BCAN: variants seen among roughly 807,000 people sequenced by gnomAD.
BCAN encodes brevican core protein.
In BCAN, 51 loss-of-function variants were observed where a neutral mutation model predicts 92.4. The observed-to-expected ratio is 0.55, with a 90% CI of 0.44 to 0.70. The LOEUF is 0.70. Among genes scored for constraint, BCAN ranks in the 30% least tolerant of loss-of-function variants. BCAN has a pLI of 0.00. For missense variants in BCAN, 1,140 were observed against 1,212.1 expected, an observed-to-expected ratio of 0.94 and a Z score of 0.88; for synonymous variants, 501 against 505.2, an observed-to-expected ratio of 0.99 and a Z score of 0.11.
At position 156,647,237 on chromosome 1, in the gene BCAN, T is replaced by G; in HGVS notation, c.466+62T>G. 2.7e-6 allele frequency: 4 copies of G among 1,462,514 alleles called. No individual in the cohort carries two copies. Among genetic ancestry groups the G allele is most frequent in the Non-Finnish European group, 3.6e-6 (4 of 1,101,448 alleles). The allele number at this position is 1,462,514 out of a possible 1,614,324, so 90.6% of individuals were successfully genotyped here. A position where few individuals can be genotyped will look rare whatever the true frequency, so the allele number is the denominator to read the frequency against. ...GGGAGGGAAGGGAGGACTCTTGCCT[T>G]CGGGGATCCCACAGTGTGAGAGGGA... On this transcript the variant is annotated intron_variant, in intron 3 of 13. Coordinates refer to ENST00000329117, the MANE Select transcript of BCAN (RefSeq NM_021948.5). This position sits in a 1 kb window ranked among gnomAD's most constrained non-coding sequence, Gnocchi z 4.8.
At chr1:156,648,152 C>T (rs1679048680) in intron 5 of BCAN, 42 bp downstream of exon 5, 1 of 1,600,380 alleles carries the variant, frequency 6.2e-7, no homozygotes, top group Non-Finnish European at 8.6e-7. Flanking sequence ...ATTTCCTACT[C>T]CCATGCTGCC....
intron 1 of BCAN, chr1:156,644,558 AG>A (rs1405280819): frequency 6.6e-6 from 1 of 152,232 alleles, no homozygotes; most frequent in Non-Finnish European, 1.5e-5. Context: ...TCCCTCTGAA[AG>A]GTCAGAGAGA....
In BCAN at chr1:156,647,241, G is replaced by GGATCCCACAGTGT; in HGVS notation, c.466+69_466+81dup. ...GGGAAGGGAGGACTCTTGCCTTCGGGGATCCCACAGTGTGAGAGGGAAGCA... is the reference window on the plus strand; with the variant it reads ...GGGAAGGGAGGACTCTTGCCTTCGGGGATCCCACAGTGTGATCCCACAGTGTGAGAGGGAAGCA... On this transcript the variant is annotated intron_variant, in intron 3 of 13. Coordinates refer to ENST00000329117, the MANE Select transcript of BCAN (RefSeq NM_021948.5). The surrounding 1 kb of genome is among the most constrained non-coding windows in gnomAD (Gnocchi z 4.8). 3 of 1,459,834 alleles carry GGATCCCACAGTGT rather than the reference G, an allele frequency of 2.1e-6. No homozygotes were observed. The highest frequency in any genetic ancestry group is 2.7e-6 in the Non-Finnish European group (3 of 1,099,990). 90.4% of individuals were successfully genotyped at this position (1,459,834 alleles called of 1,614,324 possible).
At position 156,648,088 on chromosome 1, in the gene BCAN, C is replaced by T; in HGVS notation, c.747C>T (p.Tyr249=). The part of the protein sequence containing the change: ...VVDPDDLYDV[Y]CYAEDLNGEL... Reference sequence around the variant, plus strand: ...ACCCGGATGACCTCTATGATGTGTACTGTTATGCTGAAGACCTAAATGGTG... The same window carrying T: ...ACCCGGATGACCTCTATGATGTGTATTGTTATGCTGAAGACCTAAATGGTG... Residue 249 remains tyrosine (Y), a synonymous_variant, in exon 5 of 14, where the codon TAC becomes TAT. Transcript: ENST00000329117. 6.2e-7 allele frequency: 1 copy of T among 1,613,662 alleles called. No homozygotes were observed. The highest frequency in any genetic ancestry group is 8.5e-7 in the Non-Finnish European group (1 of 1,179,662).
At position 156,651,672 on chromosome 1, in the gene BCAN, C is replaced by T; in HGVS notation, c.1280C>T (p.Ala427Val). The T allele has an allele frequency of 6.2e-7, 1 of 1,611,684 alleles. No individual in the cohort carries two copies. The highest frequency in any genetic ancestry group is 8.5e-7 in the Non-Finnish European group (1 of 1,179,226). ...TCCACTCCAGAAGACCCAGCAGAGGCCCCTAGGACGCTCCTAGGTAAGTCG... is the reference window on the plus strand; with the variant it reads ...TCCACTCCAGAAGACCCAGCAGAGGTCCCTAGGACGCTCCTAGGTAAGTCG... ...GSSTPEDPAEAPRTLLEFETQ... is the reference protein window; with the variant it reads ...GSSTPEDPAEVPRTLLEFETQ... Residue 427 changes from alanine (A) to valine (V), a missense_variant, in exon 7 of 14, where the codon GCC becomes GTC. Ala to Val is a moderately conservative substitution (Grantham distance 64). Around this residue, in one of 3 missense-constraint regions of BCAN, gnomAD observed 825 missense variants for 871.8 expected, o/e 0.95. Transcript: ENST00000329117.
At chr1:156,650,479 G>T (rs1457391348) in intron 6 of BCAN, among the ~76,000 whole-genome samples, 1 of 152,162 alleles carries the variant, frequency 6.6e-6, no homozygotes, top group Non-Finnish European at 1.5e-5. Flanking sequence ...CTTCCCCAGA[G>T]GACAAGTAAA....
chr1:156,658,911 G>T lies in BCAN; in HGVS notation c.2629-116G>T. 7.6e-7 allele frequency: 1 copy of T among 1,315,082 alleles called. No individual in the cohort carries two copies. The highest frequency in any genetic ancestry group is 2.5e-5 in the East Asian group (1 of 40,250). 81.5% of individuals were successfully genotyped at this position (1,315,082 alleles called of 1,614,324 possible). On this transcript the variant is annotated intron_variant, in intron 13 of 13. Transcript: ENST00000329117. This position sits in a 1 kb window ranked among gnomAD's most constrained non-coding sequence, Gnocchi z 4.4. ...TGGGGTTCCTTCAGTGCTGATGTCTGATAACATGCAGCCCCATTCTGGGCT... is the reference window on the plus strand; with the variant it reads ...TGGGGTTCCTTCAGTGCTGATGTCTTATAACATGCAGCCCCATTCTGGGCT...
intron 7 of BCAN, among the ~76,000 whole-genome samples, chr1:156,652,024 C>A (rs188259488): frequency 6.6e-6 from 1 of 152,276 alleles, no homozygotes; most frequent in Admixed American, 6.5e-5. Flanking sequence ...CCATGTTCTC[C>A]GGGGCTAATG....
At chr1:156,651,338 A>G in intron 6 of BCAN, 118 bp from the exon 7 acceptor site, 1 of 947,652 alleles carries the variant, frequency 1.1e-6, no homozygotes, top group Non-Finnish European at 1.6e-6. Flanking sequence ...CCTGGGCCCC[A>G]GTAGGTGCTC....
chr1:156,646,134 G>C lies in BCAN; in HGVS notation c.80G>C (p.Gly27Ala). ...GCAGCTTTAGCAGATGTTCTGGAAG[G>C]AGACAGCTCAGGTAAGCAACCCCAC... Reference protein sequence around the residue: ...APAALADVLEGDSSEDRAFRV... With the variant: ...APAALADVLEADSSEDRAFRV... Residue 27 changes from glycine to alanine, a missense_variant, in exon 2 of 14, where the codon GGA becomes GCA. Physicochemically the swap from Gly to Ala is moderately conservative, Grantham distance 60. This residue lies in a region of BCAN where 286 missense variants were observed against 284.1 expected (regional missense o/e 1.01). Transcript: ENST00000329117. 6.2e-7 allele frequency: 1 copy of C among 1,613,678 alleles called. No homozygotes were observed. Among genetic ancestry groups the C allele is most frequent in the Non-Finnish European group, 8.5e-7 (1 of 1,179,638 alleles).
chr1:156,656,080 G>A (rs1395263953), intron 8 of BCAN, among the ~76,000 whole-genome samples: 2 of 152,176 alleles, frequency 1.3e-5, no homozygotes, highest in Non-Finnish European at 2.9e-5. Flanking sequence ...CTGAAGTCGG[G>A]AGCGGGAAGA....
Position 156,656,263 on chromosome 1 carries a change from A to G in BCAN, c.1943-19A>G. 1 of 1,464,334 alleles carries G rather than the reference A, an allele frequency of 6.8e-7. No individual in the cohort carries two copies. The highest frequency in any genetic ancestry group is 9.0e-7 in the Non-Finnish European group (1 of 1,116,424). 90.7% of individuals were successfully genotyped at this position (1,464,334 alleles called of 1,614,324 possible). ...GCGGCTGCCTCGCTCCCCCCGCCTC[A>G]CTTCTTTCCCCCTCTCAGGTGACTG... On this transcript the variant is annotated intron_variant, in intron 8 of 13. Transcript: ENST00000329117.
rs149216844 is a variant in BCAN at position 156,656,206 on chromosome 1, C to T, written c.1943-76C>T. ...GAGACCAGGGCTGGGGGACCCTCTG[C>T]ACCCTCTCCTGGAGGGCTCAGGCTG... is the stretch of plus-strand genomic sequence containing the variant. On this transcript the variant is annotated intron_variant, in intron 8 of 13. Transcript: ENST00000329117. 2.8e-6 allele frequency: 3 copies of T among 1,053,904 alleles called. No homozygotes were observed. In the South Asian group the frequency reaches 7.2e-5, roughly 25 times the overall value. The allele number at this position is 1,053,904 out of a possible 1,614,324, so 65.3% of individuals were successfully genotyped here. A position where few individuals can be genotyped will look rare whatever the true frequency, so the allele number is the denominator to read the frequency against.
At position 156,647,583 on chromosome 1, in the gene BCAN, G is replaced by T. The variant is rs759486942; in HGVS notation, c.542G>T (p.Arg181Leu). 77 of 1,612,656 alleles carry T rather than the reference G, an allele frequency of 4.8e-5. No individual in the cohort carries two copies. Among genetic ancestry groups the T allele is most frequent in the South Asian group, 1.1e-4 (10 of 90,986 alleles). ...SFSGAQEACARIGAHIATPEQ... is the reference protein window; with the variant it reads ...SFSGAQEACALIGAHIATPEQ... ...TCTGGGGCCCAGGAGGCCTGTGCCC[G>T]CATTGGAGCCCACATCGCCACCCCG... Residue 181 changes from arginine to leucine, a missense_variant, in exon 4 of 14, where the codon CGC becomes CTC. Arg to Leu is a moderately radical substitution (Grantham distance 102). Coordinates refer to ENST00000329117, the MANE Select transcript of BCAN (RefSeq NM_021948.5). This position sits in a 1 kb window ranked among gnomAD's most constrained non-coding sequence, Gnocchi z 4.8.
chr1:156,658,733 T>A lies in BCAN; in HGVS notation c.2628T>A (p.Pro876=). Residue 876 remains proline (P), a splice_region_variant and synonymous_variant, in exon 13 of 14, where the codon CCT becomes CCA. Transcript: ENST00000329117. This position sits in a 1 kb window ranked among gnomAD's most constrained non-coding sequence, Gnocchi z 4.4. ...AGATCTCCTGTGTGCCCAGAAGACC[T>A]GTGAGTGCCAGGAAGAGGCAGGTGG... ...APQISCVPRR[P]ARALHPEEDP... The A allele has an allele frequency of 2.5e-6, 4 of 1,613,870 alleles. No individual in the cohort carries two copies. Among genetic ancestry groups the A allele is most frequent in the Non-Finnish European group, 3.4e-6 (4 of 1,179,992 alleles).
rs138396418 is a variant in BCAN at position 156,648,826 on chromosome 1, A to G, written c.1028A>G (p.Asn343Ser). The G allele has an allele frequency of 6.6e-5, 105 of 1,584,866 alleles. No individual in the cohort carries two copies. The highest frequency in any genetic ancestry group is 1.7e-4 in the Middle Eastern group (1 of 5,996). The change falls in exon 6 of 14, where the codon AAT becomes AGT. Residue 343 changes from asparagine (N) to serine (S), a missense_variant. By Grantham distance (46) the Asn-to-Ser change is conservative. Around this residue, in one of 3 missense-constraint regions of BCAN, gnomAD observed 825 missense variants for 871.8 expected, o/e 0.95. Coordinates refer to ENST00000329117, the MANE Select transcript of BCAN (RefSeq NM_021948.5). ...TTCCCCAACCAGACTGGCTTCCCCA[A>G]TAAGCACAGCCGCTTCAACGTCTAC... ...FLFPNQTGFPNKHSRFNVYCF... is the reference protein window; with the variant it reads ...FLFPNQTGFPSKHSRFNVYCF...
chr1:156,653,148 T>G (rs1211517008), intron 8 of BCAN: 2 of 1,399,838 alleles, frequency 1.4e-6, no homozygotes, highest in African/African-American at 2.9e-5. Context: ...TCCCTGCCAT[T>G]GGGCCCTCCA....
Position 156,648,023 on chromosome 1 carries a change from A to G in BCAN, c.682A>G (p.Met228Val). The G allele has an allele frequency of 6.2e-7, 1 of 1,614,074 alleles. No homozygotes were observed. Among genetic ancestry groups the G allele is most frequent in the Non-Finnish European group, 8.5e-7 (1 of 1,179,968 alleles). Residue 228 changes from methionine (M) to valine (V), a missense_variant, in exon 5 of 14, where the codon ATG becomes GTG. Physicochemically the swap from Met to Val is conservative, Grantham distance 21. Transcript: ENST00000329117. ...CCCACGAGAGGCCTGTTACGGAGACATGGATGGCTTCCCCGGGGTCCGGAA... is the reference window on the plus strand; with the variant it reads ...CCCACGAGAGGCCTGTTACGGAGACGTGGATGGCTTCCCCGGGGTCCGGAA... Reference protein sequence around the residue: ...QTPREACYGDMDGFPGVRNYG... With the variant: ...QTPREACYGDVDGFPGVRNYG...
chr1:156,658,005 C>A lies in BCAN; in HGVS notation c.2293-122C>A. On this transcript the variant is annotated intron_variant, in intron 11 of 13. Coordinates refer to ENST00000329117, the MANE Select transcript of BCAN (RefSeq NM_021948.5). This position sits in a 1 kb window ranked among gnomAD's most constrained non-coding sequence, Gnocchi z 4.4. Reference sequence around the variant, plus strand: ...TCCCCTTCCCCGGGAGATCCCCTACCCCCTAGCCCTAACCTTCCCTCTCCT... The same window carrying A: ...TCCCCTTCCCCGGGAGATCCCCTACACCCTAGCCCTAACCTTCCCTCTCCT... 1 of 1,179,032 alleles carries A rather than the reference C, an allele frequency of 8.5e-7. No homozygotes were observed. The highest frequency in any genetic ancestry group is 1.2e-6 in the Non-Finnish European group (1 of 839,210). The allele number at this position is 1,179,032 out of a possible 1,614,324, so 73.0% of individuals were successfully genotyped here.
Sources: allele counts gnomAD v4.1 joint callset (sites outside exome capture counted in the v4.1 genomes callset), GRCh38; gene constraint gnomAD v4.1.1; regional missense constraint gnomAD v4.1.1; non-coding constraint Gnocchi (gnomAD v3.1); transcripts MANE v1.5; gene names NCBI Gene and HGNC (gene_info 2026-07-23, HGNC 2026-07-21).